The following DLG2 variants were observed in gnomAD, a reference collection of about 807,000 sequenced individuals.
The protein encoded by DLG2 is disks large homolog 2.
DLG2 carries 45 observed loss-of-function variants against 132.5 expected under a neutral mutation model. That is an observed-to-expected ratio of 0.34 (90% confidence interval 0.27 to 0.44). DLG2 has a LOEUF of 0.44. Ranked by LOEUF, DLG2 falls within the 20% of genes least tolerant of loss-of-function variation. The pLI is 1.00. For missense variants in DLG2, 1,045 were observed against 1,196.9 expected, an observed-to-expected ratio of 0.87 and a Z score of 1.87; for synonymous variants, 424 against 419.6, an observed-to-expected ratio of 1.01 and a Z score of -0.13.
At chr11:84,922,956 C>G (rs1446077567) in intron 6 of DLG2, 6 of 1,238,524 alleles carry the variant, frequency 4.8e-6, no homozygotes, top group Non-Finnish European at 5.8e-6. Flanking sequence ...TTGCAACCAC[C>G]TGTAATAATC....
chr11:84,525,883 A>T (rs1309980418), intron 7 of DLG2, among the ~76,000 whole-genome samples: 1 of 152,160 alleles, frequency 6.6e-6, no homozygotes, highest in East Asian at 1.9e-4. Flanking sequence ...ATACTGTTAC[A>T]CAACTGCTAG....
At chr11:84,130,816 C>G (rs1462882439) in intron 9 of DLG2, among the ~76,000 whole-genome samples, 1 of 151,640 alleles carries the variant, frequency 6.6e-6, no homozygotes, top group Non-Finnish European at 1.5e-5. Flanking sequence ...GCCCCAGTTG[C>G]TTCTCTTCTT....
intron 7 of DLG2, among the ~76,000 whole-genome samples, chr11:84,453,470 G>C (rs538604790): frequency 2.0e-5 from 3 of 151,694 alleles, no homozygotes; most frequent in South Asian, 2.1e-4. Context: ...CCAGATAAAA[G>C]ATGATAGGAT....
At chr11:84,404,699 A>G (rs190366009) in intron 7 of DLG2, among the ~76,000 whole-genome samples, 1 of 152,268 alleles carries the variant, frequency 6.6e-6, no homozygotes, top group East Asian at 1.9e-4. Context: ...TTACTTTTGT[A>G]CCTGAAACAA....
chr11:83,549,300 T>C lies in DLG2; in HGVS notation c.1941-7442A>G, dbSNP rs140424386. On this transcript the variant is annotated intron_variant, in intron 19 of 27. Coordinates refer to ENST00000376104, the MANE Select transcript of DLG2 (RefSeq NM_001142699.3). The stretch of plus-strand genomic sequence containing the variant: ...AGTGCAAGAAGCATAGATGTTGGAA[T>C]GAAGAAACACACGGTTAAGTCAGTC... Among the ~76,000 whole-genome samples the C allele has an allele frequency of 4.6e-5, 7 of 152,294 alleles. No individual in the cohort carries two copies. In the East Asian group the frequency reaches 7.7e-4, roughly 17 times the overall value.
intron 8 of DLG2, among the ~76,000 whole-genome samples, chr11:84,213,045 T>C (rs575524412): frequency 3.3e-5 from 5 of 152,308 alleles, no homozygotes; most frequent in East Asian, 1.9e-4. Context: ...ACTGTTATTA[T>C]TCTTTACTTT....
chr11:85,422,345 C>T (rs1262102313), intron 3 of DLG2, among the ~76,000 whole-genome samples: 2 of 152,146 alleles, frequency 1.3e-5, no homozygotes, highest in Non-Finnish European at 2.9e-5. Flanking sequence ...GGTTGTTTAA[C>T]ATAATCCCAG....
intron 7 of DLG2, among the ~76,000 whole-genome samples, chr11:84,379,851 A>G (rs1287485736): frequency 6.6e-6 from 1 of 152,086 alleles, no homozygotes; most frequent in African/African-American, 2.4e-5. Flanking sequence ...TAGGTAGCAC[A>G]ATAAGCCCCA....
chr11:83,737,236 G>A (rs1026476625), intron 18 of DLG2, among the ~76,000 whole-genome samples: 1 of 152,156 alleles, frequency 6.6e-6, no homozygotes. Context: ...CTGTAATAAA[G>A]TTAATACAAC....
intron 6 of DLG2, among the ~76,000 whole-genome samples, chr11:85,081,062 C>T (rs2067168960): frequency 6.6e-6 from 1 of 151,784 alleles, no homozygotes; most frequent in African/African-American, 2.4e-5. Context: ...AATTAAAAAC[C>T]TAATAAAAAC....
chr11:84,216,134 C>T (rs1348192086), intron 8 of DLG2, among the ~76,000 whole-genome samples: 1 of 152,102 alleles, frequency 6.6e-6, no homozygotes, highest in Non-Finnish European at 1.5e-5. Flanking sequence ...GGCTCTGGGT[C>T]TAAGCTCACT....
intron 6 of DLG2, among the ~76,000 whole-genome samples, chr11:85,070,800 T>C (rs944582265): frequency 1.3e-5 from 2 of 151,860 alleles, no homozygotes; most frequent in African/African-American, 4.8e-5. Flanking sequence ...CAAGCCATCT[T>C]CTTTGTTCTA....
chr11:84,180,157 G>A (rs1477882938), intron 8 of DLG2, among the ~76,000 whole-genome samples: 2 of 152,050 alleles, frequency 1.3e-5, no homozygotes, highest in East Asian at 3.9e-4. Flanking sequence ...ACTAGGCAAG[G>A]ACAGACGAAT....
intron 16 of DLG2, among the ~76,000 whole-genome samples, chr11:83,838,369 A>G (rs2056772600): frequency 6.6e-6 from 1 of 152,140 alleles, no homozygotes; most frequent in African/African-American, 2.4e-5. Flanking sequence ...AAAATAAATA[A>G]CCTGATGAAG....
chr11:84,582,237 T>G (rs2099518246), intron 6 of DLG2, among the ~76,000 whole-genome samples: 1 of 151,402 alleles, frequency 6.6e-6, no homozygotes, highest in Admixed American at 6.6e-5. Flanking sequence ...TTAGAAAGAT[T>G]CATTAAGTTT....
intron 3 of DLG2, among the ~76,000 whole-genome samples, chr11:85,287,188 A>C (rs148906450): frequency 6.6e-6 from 1 of 152,220 alleles, no homozygotes; most frequent in East Asian, 1.9e-4. Context: ...ATTATGTATC[A>C]ATTATGCATA....
At position 84,680,667 on chromosome 11, in the gene DLG2, C is replaced by T. The variant is rs1595625282; in HGVS notation, c.358-145936G>A. ...AGACATATTTAGATTCAAATTTTTG[C>T]TCTTCTGCTTCCTAGCTGAGTGTCT... On this transcript the variant is annotated intron_variant, in intron 6 of 27. Coordinates refer to ENST00000376104, the MANE Select transcript of DLG2 (RefSeq NM_001142699.3). 2.6e-5 allele frequency among the ~76,000 whole-genome samples: 4 copies of T among 152,264 alleles called. No homozygotes were observed. The South Asian group carries it at 8.3e-4, about 32-fold the overall frequency.
chr11:83,675,633 A>G (rs1300325021), intron 18 of DLG2, among the ~76,000 whole-genome samples: 4 of 152,210 alleles, frequency 2.6e-5, no homozygotes, highest in Non-Finnish European at 4.4e-5. Context: ...GGTTTAGCTT[A>G]TAATTCAACG....
intron 19 of DLG2, among the ~76,000 whole-genome samples, chr11:83,617,404 AATG>A (rs1273889118): frequency 3.3e-5 from 5 of 152,156 alleles, no homozygotes; most frequent in Non-Finnish European, 7.4e-5. Context: ...TCCTACTGTC[AATG>A]ATATGTTTAG....
Sources: allele counts gnomAD v4.1 joint callset (sites outside exome capture counted in the v4.1 genomes callset), GRCh38; gene constraint gnomAD v4.1.1; transcripts MANE v1.5; gene names NCBI Gene and HGNC (gene_info 2026-07-23, HGNC 2026-07-21).